Variants in ZDHHC21 observed in about 807,000 individuals in gnomAD.
The protein encoded by ZDHHC21 is palmitoyltransferase ZDHHC21.
Under a neutral mutation model 34.6 loss-of-function variants are expected in ZDHHC21, and 15 were observed. That is an observed-to-expected ratio of 0.43 (90% CI 0.29 to 0.67). The LOEUF is 0.67. Among genes scored for constraint, ZDHHC21 ranks in the 30% least tolerant of loss-of-function variants. The pLI, the probability that ZDHHC21 is intolerant of heterozygous loss-of-function variation, is 0.14. For synonymous variants in ZDHHC21, 142 were observed against 101.8 expected, an observed-to-expected ratio of 1.40 and a Z score of -2.38; for missense variants, 344 against 327.7, an observed-to-expected ratio of 1.05 and a Z score of -0.38.
chr9:14,693,312 C>G lies in ZDHHC21; in HGVS notation c.-308G>C, dbSNP rs1179054693. The G allele has an allele frequency of 1.4e-5, 6 of 417,592 alleles. No homozygotes were observed. In the Admixed American group the frequency reaches 1.6e-4, roughly 11 times the overall value. The allele number at this position is 417,592 out of a possible 1,614,324, so 25.9% of individuals were successfully genotyped here. A position where few individuals can be genotyped will look rare whatever the true frequency, so the allele number is the denominator to read the frequency against. ...CCCTCCTCCTGCCGCGCCACCTCCG[C>G]CTCCTCCGGCGCCGCCGCCCAGGCC... On this transcript the variant is annotated 5_prime_UTR_variant, in exon 1 of 10. Transcript: ENST00000380916.
At chr9:14,672,961 C>T (rs1439340875) in intron 4 of ZDHHC21, 33 bp from the exon 5 acceptor site, 1 of 1,336,388 alleles carries the variant, frequency 7.5e-7, no homozygotes, top group Non-Finnish European at 1.0e-6. Context: ...AAATTAGTCA[C>T]TTACCCTTCA....
chr9:14,617,841 G>C lies in ZDHHC21; in HGVS notation c.*1125C>G, dbSNP rs1220067992. The C allele has an allele frequency of 6.6e-6, 1 of 151,864 alleles. No homozygotes were observed. The highest frequency in any genetic ancestry group is 6.6e-5 in the Admixed American group (1 of 15,212). 9.4% of individuals were successfully genotyped at this position (151,864 alleles called of 1,614,324 possible). A position where few individuals can be genotyped will look rare whatever the true frequency, so the allele number is the denominator to read the frequency against. On this transcript the variant is annotated 3_prime_UTR_variant, in exon 10 of 10. Transcript: ENST00000380916. ...AAAAGGTCTCTCAATGCAAATTACAGCCAGCCAATTAAAATTTAATTTTAA... is the reference window on the plus strand; with the variant it reads ...AAAAGGTCTCTCAATGCAAATTACACCCAGCCAATTAAAATTTAATTTTAA...
At chr9:14,620,430 ATATT>A (rs778112638) in intron 8 of ZDHHC21, among the ~76,000 whole-genome samples, 1 of 152,062 alleles carries the variant, frequency 6.6e-6, no homozygotes. Context: ...TTATTTTTAG[ATATT>A]TATTTGTATT....
chr9:14,627,720 C>A (rs1586930404), intron 8 of ZDHHC21, among the ~76,000 whole-genome samples: 1 of 152,128 alleles, frequency 6.6e-6, no homozygotes, highest in Non-Finnish European at 1.5e-5. Context: ...CACCAGAATG[C>A]GCTGTACCAG....
chr9:14,693,170 G>C (rs1304069547), intron 1 of ZDHHC21, 59 bp downstream of exon 1: 1 of 278,772 alleles, frequency 3.6e-6, no homozygotes, highest in East Asian at 1.7e-4. Flanking sequence ...ATGGGGGTGG[G>C]GGTGCGGATG....
Position 14,650,269 on chromosome 9 carries a change from T to A in ZDHHC21, c.504+8480A>T, listed in dbSNP as rs561363245. ...CATTATTCTTTTCAAGCAAAAAAAATAAAAAATGTTACTAAGGAATATCTC... is the reference window on the plus strand; with the variant it reads ...CATTATTCTTTTCAAGCAAAAAAAAAAAAAAATGTTACTAAGGAATATCTC... On this transcript the variant is annotated intron_variant, in intron 7 of 9. Coordinates refer to ENST00000380916, the MANE Select transcript of ZDHHC21 (RefSeq NM_178566.6). Among the ~76,000 whole-genome samples the A allele has an allele frequency of 7.9e-5, 12 of 151,862 alleles. No individual in the cohort carries two copies. In the South Asian group the frequency reaches 1.9e-3, roughly 24 times the overall value.
intron 2 of ZDHHC21, among the ~76,000 whole-genome samples, chr9:14,685,263 G>A (rs1324352916): frequency 4.6e-5 from 7 of 151,674 alleles, no homozygotes; most frequent in Non-Finnish European, 1.0e-4. Context: ...AGAGTGAACA[G>A]GCAACCTACA....
Position 14,615,445 on chromosome 9 carries a change from T to A in ZDHHC21, c.*3521A>T, listed in dbSNP as rs1247560248. The A allele has an allele frequency of 6.6e-6, 1 of 151,754 alleles. No homozygotes were observed. Among genetic ancestry groups the A allele is most frequent in the Admixed American group, 6.6e-5 (1 of 15,188 alleles). 9.4% of individuals were successfully genotyped at this position (151,754 alleles called of 1,614,324 possible). On this transcript the variant is annotated 3_prime_UTR_variant, in exon 10 of 10. Coordinates refer to ENST00000380916, the MANE Select transcript of ZDHHC21 (RefSeq NM_178566.6). ...CTATTTCATTATTAAAAATAAACCA[T>A]GCTTTTTTTCTGAAAAAGTTAATAT... is the stretch of plus-strand genomic sequence containing the variant.
At chr9:14,664,523 T>G (rs1324314672) in intron 5 of ZDHHC21, among the ~76,000 whole-genome samples, 1 of 151,766 alleles carries the variant, frequency 6.6e-6, no homozygotes, top group East Asian at 2.0e-4. Flanking sequence ...CAAGGAGGCC[T>G]GCCTGCCTCT....
At chr9:14,664,003 G>A (rs571928648) in intron 5 of ZDHHC21, among the ~76,000 whole-genome samples, 1 of 152,226 alleles carries the variant, frequency 6.6e-6, no homozygotes, top group African/African-American at 2.4e-5. Flanking sequence ...TCGGGGGGAG[G>A]AGCCAAGATG....
the ZDHHC21 span, among the ~76,000 whole-genome samples, chr9:14,593,266 C>T: frequency 6.6e-6 from 1 of 151,596 alleles, no homozygotes; most frequent in African/African-American, 2.4e-5. Flanking sequence ...CTAAACAAAA[C>T]AAAAAAAGAA....
chr9:14,620,068 C>T (rs933910183), intron 8 of ZDHHC21, among the ~76,000 whole-genome samples: 2 of 151,868 alleles, frequency 1.3e-5, no homozygotes, highest in African/African-American at 4.8e-5. Flanking sequence ...ATGAAAGAAA[C>T]TAATGAACAG....
Position 14,658,758 on chromosome 9 carries a change from C to T in ZDHHC21, c.495G>A (p.Lys165=). ...TATAAACATTTCTTACCAAATTACG[C>T]TTTTTTAGTGGAAGAAAATAGTAAT... ...CHYYYFLPLK[K]RNLDLFVFRH... is the part of the protein sequence containing the mutation. The change falls in exon 7 of 10, where the codon AAG becomes AAA. Residue 165 remains lysine (K), a synonymous_variant. Transcript: ENST00000380916. 1.2e-6 allele frequency: 2 copies of T among 1,613,396 alleles called. No individual in the cohort carries two copies. Among genetic ancestry groups the T allele is most frequent in the Non-Finnish European group, 1.7e-6 (2 of 1,179,808 alleles).
At chr9:14,648,409 T>C (rs559898169) in intron 7 of ZDHHC21, among the ~76,000 whole-genome samples, 2 of 152,030 alleles carry the variant, frequency 1.3e-5, no homozygotes, top group Middle Eastern at 6.8e-3. Flanking sequence ...CTTAATAAAG[T>C]CTCCAGTCCA....
the ZDHHC21 span, among the ~76,000 whole-genome samples, chr9:14,597,718 G>A: frequency 6.6e-6 from 1 of 152,082 alleles, no homozygotes; most frequent in African/African-American, 2.4e-5. Context: ...AGGAGCCTGA[G>A]AACTGATCTG....
chr9:14,630,681 T>G (rs1827178750), intron 8 of ZDHHC21, among the ~76,000 whole-genome samples: 1 of 152,222 alleles, frequency 6.6e-6, no homozygotes, highest in South Asian at 2.1e-4. Context: ...ACTTAAAAGT[T>G]GAAATTACTA....
In ZDHHC21 at chr9:14,618,006, A is replaced by G. The variant is rs916027394; in HGVS notation, c.*960T>C. On this transcript the variant is annotated 3_prime_UTR_variant, in exon 10 of 10. Coordinates refer to ENST00000380916, the MANE Select transcript of ZDHHC21 (RefSeq NM_178566.6). ...TCTACTAGTACATAAATAAAAGTAA[A>G]AAGTATACTCTTTTCAAAAGCACAA... The G allele has an allele frequency of 9.8e-5, 15 of 152,596 alleles. 1 individual carries two copies. Among genetic ancestry groups the G allele is most frequent in the African/African-American group, 3.6e-4 (15 of 41,556 alleles). 9.5% of individuals were successfully genotyped at this position (152,596 alleles called of 1,614,324 possible). A position where few individuals can be genotyped will look rare whatever the true frequency, so the allele number is the denominator to read the frequency against.
At chr9:14,632,281 T>C (rs571486075) in intron 8 of ZDHHC21, among the ~76,000 whole-genome samples, 1 of 152,010 alleles carries the variant, frequency 6.6e-6, no homozygotes, top group African/African-American at 2.4e-5. Flanking sequence ...ATAAATAAAA[T>C]AGAGTTAAGA....
chr9:14,679,970 C>G (rs1837087151), intron 3 of ZDHHC21, 63 bp downstream of exon 3: 1 of 152,430 alleles, frequency 6.6e-6, no homozygotes, highest in East Asian at 1.9e-4. Flanking sequence ...GCATAAGACT[C>G]CAAGGATACT....
Sources: allele counts gnomAD v4.1 joint callset (sites outside exome capture counted in the v4.1 genomes callset), GRCh38; gene constraint gnomAD v4.1.1; transcripts MANE v1.5; gene names NCBI Gene and HGNC (gene_info 2026-07-23, HGNC 2026-07-21).